Variants in ASIC4 observed in about 807,000 individuals in gnomAD.
ASIC4 encodes acid-sensing ion channel 4.
Under a neutral mutation model 53.4 loss-of-function variants are expected in ASIC4, and 28 were observed. That is an observed-to-expected ratio of 0.52 (90% CI 0.39 to 0.72). ASIC4 has a LOEUF of 0.72. Ranked by LOEUF, ASIC4 falls within the 30% of genes least tolerant of loss-of-function variation. The probability of loss-of-function intolerance (pLI) is 0.00; values close to 1 mark genes in which losing one functional copy is unlikely to be tolerated. For synonymous variants in ASIC4, 289 were observed against 301.4 expected, an observed-to-expected ratio of 0.96 and a Z score of 0.43; for missense variants, 649 against 729.7, an observed-to-expected ratio of 0.89 and a Z score of 1.27.
chr2:219,522,295 G>C (rs1574489640), intron 1 of ASIC4, among the ~76,000 whole-genome samples: 1 of 152,146 alleles, frequency 6.6e-6, no homozygotes, highest in South Asian at 2.1e-4. Flanking sequence ...TTGGCTCAGC[G>C]GTGACTAAGC....
intron 5 of ASIC4, among the ~76,000 whole-genome samples, chr2:219,534,627 C>T (rs1293093949): frequency 1.3e-5 from 2 of 152,166 alleles, no homozygotes; most frequent in Admixed American, 6.5e-5. Context: ...GGAGATCAGC[C>T]TCATAGGGTG....
chr2:219,532,087 TC>T lies in ASIC4; in HGVS notation c.818del (p.Pro273GlnfsTer14). On this transcript the variant is annotated frameshift_variant, in exon 3 of 10. Coordinates refer to ENST00000358078, the MANE Select transcript of ASIC4 (RefSeq NM_018674.6). LOFTEE classifies it high-confidence loss of function. ...PYIHQLGFGV[S>X]PGFQTFVSCQ... ...CATCCACCAGCTGGGGTTCGGGGTGTCCCCAGGCTTCCAGACCTTTGTGTCC... is the reference window on the plus strand; with the variant it reads ...CATCCACCAGCTGGGGTTCGGGGTGTCCCAGGCTTCCAGACCTTTGTGTCC... 1 of 1,614,190 alleles carries T rather than the reference TC, an allele frequency of 6.2e-7. No homozygotes were observed. Among genetic ancestry groups the T allele is most frequent in the Non-Finnish European group, 8.5e-7 (1 of 1,180,030 alleles).
chr2:219,518,406 T>C lies in ASIC4; in HGVS notation c.582+3100T>C, dbSNP rs140402615. Among the ~76,000 whole-genome samples, 4 of 152,170 alleles carry C rather than the reference T, an allele frequency of 2.6e-5. No individual in the cohort carries two copies. The highest frequency in any genetic ancestry group is 9.6e-5 in the African/African-American group (4 of 41,530). ...GGAGGGCCTAGGGGATGAGGCAGGC[T>C]GGGCAGTTTGGAGAAGAGGGAAGAG... On this transcript the variant is annotated intron_variant, in intron 1 of 9. Coordinates refer to ENST00000358078, the MANE Select transcript of ASIC4 (RefSeq NM_018674.6). The surrounding 1 kb of genome is among the most constrained non-coding windows in gnomAD (Gnocchi z 4.8).
chr2:219,530,700 G>T (rs988311901), intron 1 of ASIC4, among the ~76,000 whole-genome samples: 11 of 152,168 alleles, frequency 7.2e-5, no homozygotes, highest in Non-Finnish European at 1.3e-4. Context: ...TGTGTGCGGG[G>T]GCATTCCAGG....
intron 1 of ASIC4, among the ~76,000 whole-genome samples, chr2:219,526,226 A>T (rs997274839): frequency 4.6e-5 from 7 of 152,138 alleles, no homozygotes; most frequent in African/African-American, 1.7e-4. Flanking sequence ...AGGAGGAGCA[A>T]GCTCTGGACA....
At position 219,533,010 on chromosome 2, in the gene ASIC4, G is replaced by C. The variant is rs760238576; in HGVS notation, c.1075+71G>C. On this transcript the variant is annotated intron_variant, in intron 5 of 9. Coordinates refer to ENST00000358078, the MANE Select transcript of ASIC4 (RefSeq NM_018674.6). ...GTCTCTGTCCACTCTTCTCCTCACT[G>C]TCTTGGATCCTCCCCTCCCAATCTC... The C allele has an allele frequency of 1.1e-5, 16 of 1,491,712 alleles. No individual in the cohort carries two copies. In the South Asian group the frequency reaches 1.2e-4, roughly 12 times the overall value. The allele number at this position is 1,491,712 out of a possible 1,614,324, so 92.4% of individuals were successfully genotyped here.
chr2:219,516,635 T>G lies in ASIC4; in HGVS notation c.582+1329T>G, dbSNP rs1260238879. The stretch of plus-strand genomic sequence containing the variant: ...TGTTTGGCGTCAACATGGTGCCCAC[T>G]CCAGCCCAGCCTCCAGCAGCCAGCC... On this transcript the variant is annotated intron_variant, in intron 1 of 9. Coordinates refer to ENST00000358078, the MANE Select transcript of ASIC4 (RefSeq NM_018674.6). This position sits in a 1 kb window ranked among gnomAD's most constrained non-coding sequence, Gnocchi z 4.9. 6.6e-6 allele frequency: 1 copy of G among 152,540 alleles called. No homozygotes were observed. The highest frequency in any genetic ancestry group is 1.5e-5 in the Non-Finnish European group (1 of 68,284). The allele number at this position is 152,540 out of a possible 1,614,324, so 9.4% of individuals were successfully genotyped here. A position where few individuals can be genotyped will look rare whatever the true frequency, so the allele number is the denominator to read the frequency against.
rs1553524277 is a variant in ASIC4 at position 219,538,255 on chromosome 2, GGGAGGGC to G, written c.*210_*216del. 1.7e-6 allele frequency: 1 copy of G among 582,248 alleles called. No homozygotes were observed. Among genetic ancestry groups the G allele is most frequent in the Non-Finnish European group, 3.0e-6 (1 of 328,132 alleles). The allele number at this position is 582,248 out of a possible 1,614,324, so 36.1% of individuals were successfully genotyped here. On this transcript the variant is annotated 3_prime_UTR_variant, in exon 10 of 10. Transcript: ENST00000358078. ...CCCCTTATCCCCAGGCTGGTGCCCC[GGGAGGGC>G]TGGAGACCAGGCCATGGGCCCTCAC... is the stretch of plus-strand genomic sequence containing the variant.
At chr2:219,513,217 G>A (rs1315332297), upstream of ASIC4, among the ~76,000 whole-genome samples, 2 of 151,458 alleles carry the variant, frequency 1.3e-5, no homozygotes, top group East Asian at 3.9e-4. Flanking sequence ...CTGCTCATTA[G>A]CGCCCCGATT....
At chr2:219,520,563 G>A (rs1559115619) in intron 1 of ASIC4, among the ~76,000 whole-genome samples, 1 of 152,236 alleles carries the variant, frequency 6.6e-6, no homozygotes, top group Non-Finnish European at 1.5e-5. Flanking sequence ...CTTTGCCACT[G>A]GGTTGGAGGT....
chr2:219,526,939 G>A (rs1694970747), intron 1 of ASIC4, among the ~76,000 whole-genome samples: 1 of 152,176 alleles, frequency 6.6e-6, no homozygotes, highest in Non-Finnish European at 1.5e-5. Context: ...ACGGCCCAGA[G>A]GCTGAGAGCT....
In ASIC4 at chr2:219,531,803, C is replaced by G. The variant is rs749362229; in HGVS notation, c.628C>G (p.Arg210Gly). Residue 210 changes from arginine to glycine, a missense_variant, in exon 2 of 10, where the codon CGG (arginine) becomes GGG (glycine). Coordinates refer to ENST00000358078, the MANE Select transcript of ASIC4 (RefSeq NM_018674.6). Reference sequence around the variant, plus strand: ...GTGTTACACCTTCAACGCGGACCCGCGGAGCTCGCTGCCCAGCCGGGCAGG... The same window carrying G: ...GTGTTACACCTTCAACGCGGACCCGGGGAGCTCGCTGCCCAGCCGGGCAGG... ...GKCYTFNADP[R>G]SSLPSRAGGM... 6.2e-7 allele frequency: 1 copy of G among 1,613,288 alleles called. No individual in the cohort carries two copies. The highest frequency in any genetic ancestry group is 1.7e-5 in the Admixed American group (1 of 59,854).
In ASIC4 at chr2:219,537,825, G is replaced by A. The variant is rs1467977142; in HGVS notation, c.1506+89G>A. 1.7e-5 allele frequency: 25 copies of A among 1,508,332 alleles called. No individual in the cohort carries two copies. The highest frequency in any genetic ancestry group is 4.5e-6 in the Non-Finnish European group (5 of 1,104,466). The allele number at this position is 1,508,332 out of a possible 1,614,324, so 93.4% of individuals were successfully genotyped here. On this transcript the variant is annotated intron_variant, in intron 9 of 9. Coordinates refer to ENST00000358078, the MANE Select transcript of ASIC4 (RefSeq NM_018674.6). The surrounding 1 kb of genome is among the most constrained non-coding windows in gnomAD (Gnocchi z 4.9). ...TTGTTTCTGAACCAGCCTGTGGAGGGGGCCCTGGAGCCTCTGCCCGAGGTG... is the reference window on the plus strand; with the variant it reads ...TTGTTTCTGAACCAGCCTGTGGAGGAGGCCCTGGAGCCTCTGCCCGAGGTG...
In ASIC4 at chr2:219,537,007, C is replaced by T. The variant is rs1695148997; in HGVS notation, c.1230-59C>T. 2 of 1,485,048 alleles carry T rather than the reference C, an allele frequency of 1.3e-6. No homozygotes were observed. Among genetic ancestry groups the T allele is most frequent in the Admixed American group, 1.7e-5 (1 of 58,868 alleles). 92.0% of individuals were successfully genotyped at this position (1,485,048 alleles called of 1,614,324 possible). ...CAGGATCTGCTGGATCCAGGATGCC[C>T]CTGCCAGCCTTCTCAGGAAGAGAGG... On this transcript the variant is annotated intron_variant, in intron 6 of 9. Coordinates refer to ENST00000358078, the MANE Select transcript of ASIC4 (RefSeq NM_018674.6). This position sits in a 1 kb window ranked among gnomAD's most constrained non-coding sequence, Gnocchi z 4.9.
rs1005452105 is a variant in ASIC4, at chr2:219,537,221, C to A, written c.1322-21C>A. 1 of 1,612,724 alleles carries A rather than the reference C, an allele frequency of 6.2e-7. No homozygotes were observed. The highest frequency in any genetic ancestry group is 1.3e-5 in the African/African-American group (1 of 74,890). ...GGATCGGCCCGGCCGCTCCCTCTGA[C>A]ACTGCTCTCCTGCTTCCCAGGAGAC... On this transcript the variant is annotated intron_variant, in intron 7 of 9. Transcript: ENST00000358078. This position sits in a 1 kb window ranked among gnomAD's most constrained non-coding sequence, Gnocchi z 4.9.
chr2:219,531,906 C>A lies in ASIC4; in HGVS notation c.727+4C>A, dbSNP rs182222107. ...CTGCCCATCTGGAGGGAGACAAGTA[C>A]GCAGGCCGGAAAGGGACAAGGGCCA... On this transcript the variant is annotated splice_donor_region_variant and intron_variant, in intron 2 of 9. Transcript: ENST00000358078. 1 of 1,610,752 alleles carries A rather than the reference C, an allele frequency of 6.2e-7. No individual in the cohort carries two copies. Among genetic ancestry groups the A allele is most frequent in the South Asian group, 1.1e-5 (1 of 90,620 alleles).
At chr2:219,535,495 C>T (rs1202128127) in intron 6 of ASIC4, among the ~76,000 whole-genome samples, 171 bp downstream of exon 6, 1 of 147,488 alleles carries the variant, frequency 6.8e-6, no homozygotes, top group African/African-American at 2.5e-5. Flanking sequence ...TGTGTACATG[C>T]ATGTGTGTGT....
In ASIC4 at chr2:219,537,723, A is replaced by G; in HGVS notation, c.1493A>G (p.Glu498Gly). 1 of 1,613,614 alleles carries G rather than the reference A, an allele frequency of 6.2e-7. No homozygotes were observed. Among genetic ancestry groups the G allele is most frequent in the Non-Finnish European group, 8.5e-7 (1 of 1,179,764 alleles). Residue 498 changes from glutamate to glycine, a missense_variant, in exon 9 of 10, where the codon GAG (glutamate) becomes GGG (glycine). Glu to Gly is a moderately conservative substitution (Grantham distance 98, BLOSUM62 -2). Coordinates refer to ENST00000358078, the MANE Select transcript of ASIC4 (RefSeq NM_018674.6). This position sits in a 1 kb window ranked among gnomAD's most constrained non-coding sequence, Gnocchi z 4.9. ...GGCATCTCCACTTTGGGGCTTCAGG[A>G]GCTGAAGGAACAGGTGAGGACAAGC... is the stretch of plus-strand genomic sequence containing the variant. ...TGGISTLGLQ[E>G]LKEQSPCPSR...
chr2:219,514,337 G>A (rs545925064), upstream of ASIC4: 13 of 1,538,160 alleles, frequency 8.5e-6, no homozygotes, highest in South Asian at 6.0e-5. Flanking sequence ...GGAGGGCTCC[G>A]GAGCACATGC....
Sources: allele counts gnomAD v4.1 joint callset (sites outside exome capture counted in the v4.1 genomes callset), GRCh38; gene constraint gnomAD v4.1.1; non-coding constraint Gnocchi (gnomAD v3.1); transcripts MANE v1.5; gene names NCBI Gene and HGNC (gene_info 2026-07-23, HGNC 2026-07-21).